HTR1F: variants seen among roughly 807,000 people sequenced by gnomAD.
HTR1F encodes the protein 5-hydroxytryptamine (serotonin) receptor 1F, G protein-coupled.
Under a neutral mutation model 24.0 loss-of-function variants are expected in HTR1F, and 17 were observed. That is an observed-to-expected ratio of 0.71 (90% CI 0.48 to 1.06). The LOEUF is 1.06. HTR1F is among the 50% of genes least tolerant of loss of function. The pLI is 0.00. For missense variants in HTR1F, 391 were observed against 427.8 expected (o/e 0.91, Z 0.76); for synonymous variants, 186 against 156.8 (o/e 1.19, Z -1.39).
intron 2 of HTR1F, among the ~76,000 whole-genome samples, chr3:87,957,491 T>C (rs1424026291): frequency 6.6e-6 from 1 of 151,288 alleles, no homozygotes; most frequent in Non-Finnish European, 1.5e-5. Flanking sequence ...AAATGTTTCT[T>C]TCTCTTCTAT....
At chr3:87,821,188 T>A (rs570384530) in intron 1 of HTR1F, among the ~76,000 whole-genome samples, 187 of 152,314 alleles carry the variant, frequency 1.2e-3, no homozygotes, top group African/African-American at 4.4e-3. Flanking sequence ...GATTCTAAGA[T>A]CCATAAGTTT....
intron 2 of HTR1F, among the ~76,000 whole-genome samples, chr3:87,839,382 A>G (rs1704751805): frequency 6.6e-6 from 1 of 151,856 alleles, no homozygotes; most frequent in Non-Finnish European, 1.5e-5. Flanking sequence ...ATGGATTTAC[A>G]CCTGAGTTCT....
chr3:87,886,914 A>T (rs1407065377), intron 2 of HTR1F, among the ~76,000 whole-genome samples: 1 of 152,228 alleles, frequency 6.6e-6, no homozygotes, highest in Non-Finnish European at 1.5e-5. Context: ...GGTAATTTAT[A>T]GATTCAATGC....
intron 2 of HTR1F, among the ~76,000 whole-genome samples, chr3:87,903,602 A>G (rs370641208): frequency 1.3e-5 from 2 of 150,408 alleles, no homozygotes; most frequent in African/African-American, 2.5e-5. Context: ...TTAGAATGGC[A>G]ATCATTAAAA....
chr3:87,824,022 G>A (rs1704413018), intron 2 of HTR1F, among the ~76,000 whole-genome samples: 1 of 149,594 alleles, frequency 6.7e-6, no homozygotes, highest in South Asian at 2.1e-4. Context: ...GCACCAGCCT[G>A]GCGACAGGGT....
At chr3:87,870,136 A>T (rs530576252) in intron 2 of HTR1F, among the ~76,000 whole-genome samples, 1 of 152,258 alleles carries the variant, frequency 6.6e-6, no homozygotes, top group African/African-American at 2.4e-5. Context: ...CAGGTATTGT[A>T]CATACTTCAT....
intron 2 of HTR1F, among the ~76,000 whole-genome samples, chr3:87,954,686 A>G (rs1474651998): frequency 6.6e-6 from 1 of 151,656 alleles, no homozygotes; most frequent in Admixed American, 6.6e-5. Flanking sequence ...ACTGAAAGCC[A>G]CGAAGATAAC....
At chr3:87,910,250 A>G (rs1703749096) in intron 2 of HTR1F, 1 of 151,942 alleles carries the variant, frequency 6.6e-6, no homozygotes, top group Non-Finnish European at 1.5e-5. Flanking sequence ...AGGTTACCAT[A>G]CTCCTTGACA....
intron 1 of HTR1F, among the ~76,000 whole-genome samples, chr3:87,796,286 C>A (rs1375619248): frequency 2.0e-5 from 3 of 151,790 alleles, no homozygotes; most frequent in African/African-American, 7.3e-5. Context: ...GATTTATGAC[C>A]AGAGCAACAG....
chr3:87,969,779 G>A (rs1252002070), intron 2 of HTR1F, among the ~76,000 whole-genome samples: 1 of 152,144 alleles, frequency 6.6e-6, no homozygotes, highest in African/African-American at 2.4e-5. Context: ...GAATAATATG[G>A]TTTGGCTGTG....
chr3:87,978,176 G>T (rs149539759), intron 2 of HTR1F, among the ~76,000 whole-genome samples: 2,036 of 152,246 alleles, frequency 0.013, 19 homozygotes, highest in African/African-American at 0.019. Flanking sequence ...ACCTCTGGAT[G>T]AGGGGAACAT....
intron 1 of HTR1F, among the ~76,000 whole-genome samples, chr3:87,801,247 G>T (rs891207003): frequency 6.6e-6 from 1 of 152,116 alleles, no homozygotes; most frequent in African/African-American, 2.4e-5. Flanking sequence ...TGCTAATTTA[G>T]CTTCAGTCTT....
intron 2 of HTR1F, among the ~76,000 whole-genome samples, chr3:87,826,709 C>T (rs962245006): frequency 6.6e-6 from 1 of 152,148 alleles, no homozygotes; most frequent in African/African-American, 2.4e-5. Flanking sequence ...ATTTGTCTTA[C>T]CTACTACCGT....
At position 87,931,238 on chromosome 3, in the gene HTR1F, C is replaced by T. The variant is rs1189831408; in HGVS notation, c.-42-59470C>T. Reference sequence around the variant, plus strand: ...AACAGTCCCCAGAGGGTGATGTTCCCCTTCCTGTGTCCATGTGTTCTCATT... The same window carrying T: ...AACAGTCCCCAGAGGGTGATGTTCCTCTTCCTGTGTCCATGTGTTCTCATT... On this transcript the variant is annotated intron_variant, in intron 2 of 2. Coordinates refer to ENST00000319595, the MANE Select transcript of HTR1F (RefSeq NM_001322209.2). Among the ~76,000 whole-genome samples, 3 of 152,104 alleles carry T rather than the reference C, an allele frequency of 2.0e-5. No individual in the cohort carries two copies. In the South Asian group the frequency reaches 6.2e-4, roughly 32 times the overall value.
chr3:87,985,719 G>A (rs1473272421), intron 2 of HTR1F, among the ~76,000 whole-genome samples: 4 of 152,150 alleles, frequency 2.6e-5, no homozygotes, highest in African/African-American at 9.7e-5. Context: ...ACTTCACAAT[G>A]TTATTATAAA....
intron 2 of HTR1F, among the ~76,000 whole-genome samples, chr3:87,844,513 G>A (rs1704891760): frequency 7.4e-6 from 1 of 135,066 alleles, no homozygotes; most frequent in Admixed American, 7.3e-5. Context: ...GTTTTGCTGT[G>A]CAGAAGCTCT....
At chr3:87,811,934 A>T (rs1704167287) in intron 1 of HTR1F, among the ~76,000 whole-genome samples, 1 of 152,086 alleles carries the variant, frequency 6.6e-6, no homozygotes. Context: ...ATGAGATCTG[A>T]TGGCTTTATA....
At chr3:87,897,487 C>G (rs1435666146) in intron 2 of HTR1F, among the ~76,000 whole-genome samples, 2 of 151,880 alleles carry the variant, frequency 1.3e-5, no homozygotes, top group Admixed American at 6.6e-5. Flanking sequence ...AAATAAAAAC[C>G]AAAAACCATT....
At chr3:87,884,576 C>A (rs1415279755) in intron 2 of HTR1F, among the ~76,000 whole-genome samples, 1 of 152,112 alleles carries the variant, frequency 6.6e-6, no homozygotes, top group Non-Finnish European at 1.5e-5. Context: ...AGAGTCAAGA[C>A]TCATCACTGT....
Sources: gnomAD v4.1 joint callset for allele counts (sites outside exome capture counted in the v4.1 genomes callset) on GRCh38, gnomAD v4.1.1 for gene constraint, MANE v1.5 for transcripts, NCBI Gene and HGNC (gene_info 2026-07-23, HGNC 2026-07-21) for gene names.